The following ST6GAL2 variants were observed in gnomAD, a reference collection of about 807,000 sequenced individuals.
ST6GAL2 encodes the protein ST6 beta-galactoside alpha-2,6-sialyltransferase 2, also known as beta-galactoside alpha-2,6-sialyltransferase 2.
ST6GAL2 carries 24 observed loss-of-function variants against 37.5 expected under a neutral mutation model. The ratio of observed to expected loss-of-function variants is 0.64; its 90% CI spans 0.46 to 0.90. The LOEUF (loss-of-function observed/expected upper bound fraction) is 0.90, where lower values mean the gene tolerates loss of function less well. Ranked by LOEUF, ST6GAL2 falls within the 40% of genes least tolerant of loss-of-function variation. The pLI is 0.00. For missense variants in ST6GAL2, 715 were observed against 712.7 expected (o/e 1.00, Z -0.04); for synonymous variants, 306 against 295.1 (o/e 1.04, Z -0.38).
chr2:106,859,110 T>TGAG (rs1361760990), intron 1 of ST6GAL2, among the ~76,000 whole-genome samples: 5 of 152,290 alleles, frequency 3.3e-5, no homozygotes, highest in African/African-American at 9.6e-5. Flanking sequence ...CCTGATGTCA[T>TGAG]GAGGCTGTCT....
At chr2:106,848,582 G>A (rs1390404639) in intron 1 of ST6GAL2, among the ~76,000 whole-genome samples, 1 of 152,310 alleles carries the variant, frequency 6.6e-6, no homozygotes, top group East Asian at 1.9e-4. Flanking sequence ...CTCTGGCCTA[G>A]AGGGCTTGGG....
intron 1 of ST6GAL2, among the ~76,000 whole-genome samples, chr2:106,869,240 G>A (rs926953956): frequency 7.2e-5 from 11 of 152,028 alleles, no homozygotes; most frequent in African/African-American, 2.7e-4. Flanking sequence ...TGGAGGGGAG[G>A]GGCACCTTTC....
intron 5 of ST6GAL2, among the ~76,000 whole-genome samples, chr2:106,816,372 T>A (rs74801554): frequency 0.013 from 2,001 of 152,328 alleles, 19 homozygotes; most frequent in African/African-American, 0.023. Context: ...ATAATCTTGA[T>A]ACTAAAAGTC....
chr2:106,880,969 T>C (rs1678726057), intron 1 of ST6GAL2, among the ~76,000 whole-genome samples: 1 of 152,184 alleles, frequency 6.6e-6, no homozygotes, highest in Non-Finnish European at 1.5e-5. Context: ...CTCTTTTTCA[T>C]ATGAAAATTT....
chr2:106,820,539 C>T (rs1224603385), intron 5 of ST6GAL2, among the ~76,000 whole-genome samples: 2 of 152,068 alleles, frequency 1.3e-5, no homozygotes, highest in African/African-American at 4.8e-5. Flanking sequence ...AGGCTGGAGA[C>T]TTTAACACCC....
intron 1 of ST6GAL2, among the ~76,000 whole-genome samples, chr2:106,849,149 C>A (rs1179653571): frequency 2.6e-5 from 4 of 152,184 alleles, no homozygotes; most frequent in Non-Finnish European, 5.9e-5. Context: ...CTCAAATAAA[C>A]TCTGTACTTA....
chr2:106,868,016 A>G (rs1678107736), intron 1 of ST6GAL2, among the ~76,000 whole-genome samples: 1 of 152,228 alleles, frequency 6.6e-6, no homozygotes, highest in African/African-American at 2.4e-5. Context: ...ACAAAACCCT[A>G]TGCCACTTAC....
intron 1 of ST6GAL2, among the ~76,000 whole-genome samples, chr2:106,858,978 G>A (rs1452155700): frequency 6.6e-6 from 1 of 152,130 alleles, no homozygotes; most frequent in East Asian, 1.9e-4. Flanking sequence ...GGGAGTGGGG[G>A]CAGGCAGCAG....
chr2:106,845,226 A>G (rs1441761398), intron 1 of ST6GAL2, among the ~76,000 whole-genome samples: 6 of 152,190 alleles, frequency 3.9e-5, no homozygotes, highest in Non-Finnish European at 8.8e-5. Context: ...TGGGGAAAAC[A>G]TAATTGGAAA....
rs55874909 is a variant in ST6GAL2 at position 106,868,843 on chromosome 2, C to T, written c.-58+17250G>A. Among the ~76,000 whole-genome samples the T allele has an allele frequency of 5.8e-3, 873 of 151,754 alleles. 12 individuals carry two copies. Among genetic ancestry groups the T allele is most frequent in the African/African-American group, 0.02 (828 of 41,326 alleles). Reference sequence around the variant, plus strand: ...AATTGTGGCTAGACAGCATGAATCACGGAGTGCAATACAAAAAAGAAAAAG... The same window carrying T: ...AATTGTGGCTAGACAGCATGAATCATGGAGTGCAATACAAAAAAGAAAAAG... On this transcript the variant is annotated intron_variant, in intron 1 of 5. Coordinates refer to ENST00000409382, the MANE Select transcript of ST6GAL2 (RefSeq NM_001142351.2).
intron 1 of ST6GAL2, among the ~76,000 whole-genome samples, chr2:106,864,685 C>T (rs2104592999): frequency 6.6e-6 from 1 of 152,296 alleles, no homozygotes. Flanking sequence ...ATCATACAAC[C>T]TAGCCCGCCT....
intron 1 of ST6GAL2, among the ~76,000 whole-genome samples, chr2:106,882,250 C>T (rs913475737): frequency 4.6e-5 from 7 of 152,184 alleles, no homozygotes; most frequent in African/African-American, 1.7e-4. Flanking sequence ...TCTCTGGCCC[C>T]ACACAATTAC....
chr2:106,855,357 C>A (rs907056369), intron 1 of ST6GAL2, among the ~76,000 whole-genome samples: 3 of 152,190 alleles, frequency 2.0e-5, no homozygotes, highest in African/African-American at 7.2e-5. Flanking sequence ...AAGAGCTACA[C>A]TTAAAAAGAT....
chr2:106,886,544 C>T (rs1186978029), upstream of ST6GAL2: 1 of 151,708 alleles, frequency 6.6e-6, no homozygotes, highest in Non-Finnish European at 1.5e-5. Flanking sequence ...CGCTGCACGC[C>T]TCATTGTTTC....
At chr2:106,833,011 G>C (rs992736651) in intron 3 of ST6GAL2, among the ~76,000 whole-genome samples, 4 of 152,172 alleles carry the variant, frequency 2.6e-5, no homozygotes, top group African/African-American at 9.7e-5. Flanking sequence ...TTTGGAGACA[G>C]AGTTGCAGGT....
intron 1 of ST6GAL2, among the ~76,000 whole-genome samples, chr2:106,874,137 C>G (rs1678397646): frequency 1.3e-5 from 2 of 152,270 alleles, no homozygotes; most frequent in South Asian, 4.1e-4. Flanking sequence ...CTGCAAGGAA[C>G]TTACAGTTTA....
At chr2:106,864,068 G>A (rs1201058100) in intron 1 of ST6GAL2, among the ~76,000 whole-genome samples, 2 of 152,152 alleles carry the variant, frequency 1.3e-5, no homozygotes, top group Non-Finnish European at 2.9e-5. Context: ...AGGGATCCAG[G>A]GAGTAAAAGC....
At chr2:106,866,796 G>C (rs1678044975) in intron 1 of ST6GAL2, among the ~76,000 whole-genome samples, 1 of 152,176 alleles carries the variant, frequency 6.6e-6, no homozygotes, top group South Asian at 2.1e-4. Flanking sequence ...GTATCAAGAA[G>C]TAAAATAAAA....
At chr2:106,881,532 A>C (rs1323325849) in intron 1 of ST6GAL2, among the ~76,000 whole-genome samples, 4 of 152,208 alleles carry the variant, frequency 2.6e-5, no homozygotes, top group African/African-American at 7.2e-5. Flanking sequence ...ATTTCAGAAA[A>C]GTCATCATTA....
Sources: allele counts gnomAD v4.1 joint callset (sites outside exome capture counted in the v4.1 genomes callset), GRCh38; gene constraint gnomAD v4.1.1; transcripts MANE v1.5; gene names NCBI Gene and HGNC (gene_info 2026-07-23, HGNC 2026-07-21).